MSMO1: variants seen among roughly 807,000 people sequenced by gnomAD.
MSMO1 encodes the protein C-4 methylsterol oxidase.
In MSMO1, 18 loss-of-function variants were observed where a neutral mutation model predicts 30.4. The ratio of observed to expected loss-of-function variants is 0.59; its 90% confidence interval spans 0.41 to 0.88. The LOEUF (loss-of-function observed/expected upper bound fraction) is 0.88, where lower values mean the gene tolerates loss of function less well. Ranked by LOEUF, MSMO1 falls within the 40% of genes least tolerant of loss-of-function variation. The pLI is 0.00. For missense variants in MSMO1, 284 were observed against 340.5 expected, an observed-to-expected ratio of 0.83 and a Z score of 1.31; for synonymous variants, 84 against 107.9, an observed-to-expected ratio of 0.78 and a Z score of 1.37.
chr4:165,333,346 A>G lies in MSMO1; in HGVS notation c.-25A>G. 1 of 1,610,276 alleles carries G rather than the reference A, an allele frequency of 6.2e-7. No individual in the cohort carries two copies. Among genetic ancestry groups the G allele is most frequent in the Non-Finnish European group, 8.5e-7 (1 of 1,178,680 alleles). On this transcript the variant is annotated 5_prime_UTR_variant, in exon 2 of 6. In the 5' UTR this introduces an upstream ATG that the reference lacks. Coordinates refer to ENST00000261507, the MANE Select transcript of MSMO1 (RefSeq NM_006745.5). ...TATGTATTCATTTCTACAGAATTATAAGGCTGTCTGCAGAGATTTGAAAAA... is the reference window on the plus strand; with the variant it reads ...TATGTATTCATTTCTACAGAATTATGAGGCTGTCTGCAGAGATTTGAAAAA...
Position 165,338,730 on chromosome 4 carries a change from C to A in MSMO1, c.483C>A (p.His161Gln). 6.3e-7 allele frequency: 1 copy of A among 1,595,646 alleles called. No homozygotes were observed. Among genetic ancestry groups the A allele is most frequent in the Non-Finnish European group, 8.6e-7 (1 of 1,163,428 alleles). The change falls in exon 4 of 6, where the codon CAC becomes CAA. Residue 161 changes from histidine to glutamine, a missense_variant. Coordinates refer to ENST00000261507, the MANE Select transcript of MSMO1 (RefSeq NM_006745.5). ...ACTATTTTCTGCATAGACTCTTACA[C>A]CACAAAAGAATATACAAGTATATTC... The part of the protein sequence containing the change: ...TWHYFLHRLL[H>Q]HKRIYKYIHK...
chr4:165,332,044 C>A (rs1249780193), intron 1 of MSMO1, among the ~76,000 whole-genome samples: 1 of 150,616 alleles, frequency 6.6e-6, no homozygotes, highest in Non-Finnish European at 1.5e-5. Context: ...TTCCATAACA[C>A]TCTCCCCTAC....
chr4:165,332,613 C>T (rs1370689), intron 1 of MSMO1, among the ~76,000 whole-genome samples: 25,604 of 152,104 alleles, frequency 0.17, 6,020 homozygotes, highest in African/African-American at 0.53. Context: ...CATGCCTGTT[C>T]TCTCACCCTC....
At chr4:165,334,876 A>G (rs915398246) in intron 2 of MSMO1, among the ~76,000 whole-genome samples, 6 of 152,198 alleles carry the variant, frequency 3.9e-5, no homozygotes, top group Non-Finnish European at 7.3e-5. Flanking sequence ...TTGGCCCTCC[A>G]TATCCATGGG....
intron 1 of MSMO1, among the ~76,000 whole-genome samples, chr4:165,332,842 G>T (rs1281980728): frequency 1.3e-5 from 2 of 152,096 alleles, no homozygotes; most frequent in African/African-American, 4.8e-5. Context: ...GTAGCCCTTT[G>T]TTGTAAAATG....
intron 5 of MSMO1, 87 bp from the exon 6 acceptor site, chr4:165,341,664 G>T: frequency 8.0e-7 from 1 of 1,244,596 alleles, no homozygotes; most frequent in Non-Finnish European, 1.2e-6. Flanking sequence ...ATCTAAATTG[G>T]TTAATGTGAA....
chr4:165,341,543 GTTT>G (rs1553968183), intron 5 of MSMO1, among the ~76,000 whole-genome samples: 3 of 151,540 alleles, frequency 2.0e-5, no homozygotes, highest in African/African-American at 7.3e-5. Flanking sequence ...GATTTTCTTA[GTTT>G]TTTTAAGGAT....
chr4:165,333,866 A>G (rs547601700), intron 2 of MSMO1, among the ~76,000 whole-genome samples: 6 of 152,344 alleles, frequency 3.9e-5, no homozygotes, highest in South Asian at 2.1e-4. Context: ...TGCAGGGTCC[A>G]TGCCTGTAAT....
intron 2 of MSMO1, among the ~76,000 whole-genome samples, chr4:165,335,816 C>T (rs1457571944): frequency 6.6e-6 from 1 of 152,200 alleles, no homozygotes; most frequent in East Asian, 1.9e-4. Context: ...CTGTACTCAG[C>T]AAGTCTTTAT....
At chr4:165,336,235 TAA>T (rs3043074) in intron 2 of MSMO1, among the ~76,000 whole-genome samples, 39 of 146,854 alleles carry the variant, frequency 2.7e-4, no homozygotes, top group African/African-American at 3.3e-4. Context: ...TCTATTTCTT[TAA>T]AAAAAAAAAA....
intron 1 of MSMO1, among the ~76,000 whole-genome samples, chr4:165,332,852 G>A (rs1161920031): frequency 6.6e-6 from 1 of 152,106 alleles, no homozygotes; most frequent in Non-Finnish European, 1.5e-5. Flanking sequence ...GTTGTAAAAT[G>A]TTGGAAATAT....
intron 1 of MSMO1, among the ~76,000 whole-genome samples, chr4:165,332,884 T>A (rs1747438244): frequency 6.6e-6 from 1 of 152,240 alleles, no homozygotes; most frequent in Non-Finnish European, 1.5e-5. Context: ...TGTCATTTAA[T>A]CTTTGACTTT....
In MSMO1 at chr4:165,338,687, T is replaced by G; in HGVS notation, c.440T>G (p.Val147Gly). ...TTGGCAAGATGCTTTGGTTGTGCAG[T>G]CATTGAAGATACTTGGCACTATTTT... ...FLLARCFGCA[V>G]IEDTWHYFLH... Residue 147 changes from valine (V) to glycine (G), a missense_variant, in exon 4 of 6, where the codon GTC (valine) becomes GGC (glycine). Coordinates refer to ENST00000261507, the MANE Select transcript of MSMO1 (RefSeq NM_006745.5). The G allele has an allele frequency of 6.2e-7, 1 of 1,609,108 alleles. No individual in the cohort carries two copies. Among genetic ancestry groups the G allele is most frequent in the Non-Finnish European group, 8.5e-7 (1 of 1,175,566 alleles).
At chr4:165,335,870 A>G (rs2126622568) in intron 2 of MSMO1, among the ~76,000 whole-genome samples, 1 of 152,312 alleles carries the variant, frequency 6.6e-6, no homozygotes, top group South Asian at 2.1e-4. Flanking sequence ...TTTTTGATAA[A>G]AAATGTGATT....
chr4:165,339,008 C>T (rs191526199), intron 4 of MSMO1, among the ~76,000 whole-genome samples: 55 of 150,486 alleles, frequency 3.7e-4, no homozygotes, highest in South Asian at 1.9e-3. Flanking sequence ...AAAGTTCGGA[C>T]TTCCATCCTT....
In MSMO1 at chr4:165,334,667, A is replaced by T. The variant is rs558542493; in HGVS notation, c.255+1042A>T. Among the ~76,000 whole-genome samples, 5 of 152,304 alleles carry T rather than the reference A, an allele frequency of 3.3e-5. No individual in the cohort carries two copies. In the East Asian group the frequency reaches 5.8e-4, roughly 18 times the overall value. ...ATCTCATATGTAGCCTGTGAGCTTG[A>T]CGTGAGAATTTGGAGTAGCTTATTA... On this transcript the variant is annotated intron_variant, in intron 2 of 5. Transcript: ENST00000261507.
intron 2 of MSMO1, among the ~76,000 whole-genome samples, chr4:165,336,817 A>G (rs1171454286): frequency 1.3e-5 from 2 of 152,166 alleles, no homozygotes; most frequent in African/African-American, 2.4e-5. Flanking sequence ...TGCTTTTCCT[A>G]TTTTTGTCAG....
intron 1 of MSMO1, among the ~76,000 whole-genome samples, chr4:165,333,047 G>A (rs113532470): frequency 5.3e-5 from 8 of 151,964 alleles, no homozygotes; most frequent in South Asian, 4.1e-4. Context: ...CCACACTGAC[G>A]ATTTCTTTAA....
intron 1 of MSMO1, among the ~76,000 whole-genome samples, chr4:165,328,491 T>C (rs1303387667): frequency 6.6e-6 from 1 of 152,150 alleles, no homozygotes; most frequent in Non-Finnish European, 1.5e-5. Flanking sequence ...AAATAAGGTT[T>C]AGGAAGGGCA....
Sources: allele counts gnomAD v4.1 joint callset (sites outside exome capture counted in the v4.1 genomes callset), GRCh38; gene constraint gnomAD v4.1.1; transcripts MANE v1.5; gene names NCBI Gene and HGNC (gene_info 2026-07-23, HGNC 2026-07-21).